Variants in SMURF2 observed in about 807,000 individuals in gnomAD.
SMURF2 encodes the protein SMAD specific E3 ubiquitin protein ligase 2.
Under a neutral mutation model 109.6 loss-of-function variants are expected in SMURF2, and 48 were observed. The observed-to-expected ratio is 0.44, with a 90% CI of 0.35 to 0.56. The LOEUF is 0.56. Among genes scored for constraint, SMURF2 ranks in the 20% least tolerant of loss-of-function variants. SMURF2 has a pLI of 0.01. For missense variants in SMURF2, 575 were observed against 909.0 expected (o/e 0.63, Z 4.72); for synonymous variants, 288 against 317.1 (o/e 0.91, Z 0.97).
chr17:64,601,494 T>C (rs181760928), intron 2 of SMURF2, among the ~76,000 whole-genome samples: 52 of 152,208 alleles, frequency 3.4e-4, no homozygotes, highest in Admixed American at 4.6e-4. Context: ...AGAACTATAA[T>C]GCGATGCCAC....
At chr17:64,561,994 T>C (rs1969226693) in intron 11 of SMURF2, among the ~76,000 whole-genome samples, 1 of 150,728 alleles carries the variant, frequency 6.6e-6, no homozygotes, top group Non-Finnish European at 1.5e-5. Flanking sequence ...AGCAAGACCT[T>C]GTCTCTTTTT....
chr17:64,589,361 G>A (rs1403698349), intron 5 of SMURF2, among the ~76,000 whole-genome samples: 6 of 150,740 alleles, frequency 4.0e-5, no homozygotes, highest in African/African-American at 1.5e-4. Flanking sequence ...ACTTACATGT[G>A]AAAGTGTTGT....
At chr17:64,586,611 C>T (rs1369253921) in intron 5 of SMURF2, among the ~76,000 whole-genome samples, 4 of 151,342 alleles carry the variant, frequency 2.6e-5, no homozygotes, top group South Asian at 4.2e-4. Flanking sequence ...ATTAGCCAGG[C>T]GTGGTGGTGG....
intron 3 of SMURF2, among the ~76,000 whole-genome samples, chr17:64,594,588 G>A (rs564095511): frequency 5.9e-5 from 9 of 152,112 alleles, no homozygotes; most frequent in East Asian, 1.9e-4. Flanking sequence ...ACCAATTTTC[G>A]AATACACCTA....
rs9913520 is a variant in SMURF2, at chr17:64,567,792, C to T, written c.1016+4006G>A. Reference sequence around the variant, plus strand: ...CCACCTCCCAGGTTCAAGCAATTCTCCTGCCTCAGCCTCCTGGGTCCCAAC... The same window carrying T: ...CCACCTCCCAGGTTCAAGCAATTCTTCTGCCTCAGCCTCCTGGGTCCCAAC... On this transcript the variant is annotated intron_variant, in intron 10 of 18. Coordinates refer to ENST00000262435, the MANE Select transcript of SMURF2 (RefSeq NM_022739.4). 8.1e-3 allele frequency among the ~76,000 whole-genome samples: 1,236 copies of T among 152,118 alleles called. 19 individuals are homozygous for T. Among genetic ancestry groups the T allele is most frequent in the African/African-American group, 0.028 (1,173 of 41,502 alleles).
chr17:64,583,277 T>A (rs891452123), intron 7 of SMURF2, among the ~76,000 whole-genome samples, 184 bp downstream of exon 7: 1 of 152,130 alleles, frequency 6.6e-6, no homozygotes, highest in Non-Finnish European at 1.5e-5. Context: ...AATGACAGCA[T>A]GACCTGTCAA....
At chr17:64,613,548 G>T (rs1555689743) in intron 1 of SMURF2, among the ~76,000 whole-genome samples, 2 of 142,610 alleles carry the variant, frequency 1.4e-5, no homozygotes, top group African/African-American at 4.9e-5. Flanking sequence ...TAACAGGAGA[G>T]AAATCTTGTT....
chr17:64,606,644 TA>T lies in SMURF2; in HGVS notation c.53-5del, dbSNP rs781876772. 0.028 allele frequency: 30,987 copies of T among 1,125,028 alleles called. 3 individuals are homozygous for T. Among genetic ancestry groups the T allele is most frequent in the South Asian group, 0.03 (1,799 of 59,010 alleles). The allele number at this position is 1,125,028 out of a possible 1,614,324, so 69.7% of individuals were successfully genotyped here. ...ACCAGGTTTTTTGCACAGAGTACTG[TA>T]AAAAAAAAAAACAAAAAATACATGG... On this transcript the variant is annotated splice_polypyrimidine_tract_variant and splice_region_variant and intron_variant, in intron 1 of 18. Transcript: ENST00000262435.
chr17:64,625,464 C>T (rs1970255098), intron 1 of SMURF2, among the ~76,000 whole-genome samples: 1 of 152,134 alleles, frequency 6.6e-6, no homozygotes, highest in South Asian at 2.1e-4. Flanking sequence ...AATTGCTATG[C>T]AGATAAGAAC....
intron 7 of SMURF2, 105 bp downstream of exon 7, chr17:64,583,355 CA>C: frequency 1.2e-6 from 1 of 854,990 alleles, no homozygotes; most frequent in Non-Finnish European, 1.9e-6. Flanking sequence ...TGATCTACGA[CA>C]GCAAAAACCA....
chr17:64,585,291 T>C (rs1302641463), intron 6 of SMURF2, among the ~76,000 whole-genome samples: 1 of 152,218 alleles, frequency 6.6e-6, no homozygotes, highest in Non-Finnish European at 1.5e-5. Flanking sequence ...CCATTTATTA[T>C]GTGGCCTTAG....
Position 64,599,261 on chromosome 17 carries a change from T to C in SMURF2, c.92-771A>G, listed in dbSNP as rs1969860281. On this transcript the variant is annotated intron_variant, in intron 2 of 18. Transcript: ENST00000262435. ...AATTAACTAGCCCAAGGTCACAGAG[T>C]AGTAAATGGCAGGGCCAGAATCTAA... Among the ~76,000 whole-genome samples the C allele has an allele frequency of 2.6e-5, 4 of 151,854 alleles. No homozygotes were observed. The South Asian group carries it at 8.3e-4, about 32-fold the overall frequency.
rs933502943 is a variant in SMURF2 at position 64,583,504 on chromosome 17, G to A, written c.526C>T (p.Leu176=). 6.2e-7 allele frequency: 1 copy of A among 1,614,082 alleles called. No individual in the cohort carries two copies. The change falls in exon 7 of 19, where the codon CTA becomes TTA. Residue 176 remains leucine (L), a synonymous_variant. Coordinates refer to ENST00000262435, the MANE Select transcript of SMURF2 (RefSeq NM_022739.4). ...TGCGTAGTTCTTGTTATATGGTTTA[G>A]ATACTGGATTCTTCCAGAGGCGGTT... The part of the protein sequence containing the change: ...RRTASGRIQY[L]NHITRTTQWE...
At chr17:64,574,874 C>T (rs1444438110) in intron 9 of SMURF2, among the ~76,000 whole-genome samples, 1 of 152,082 alleles carries the variant, frequency 6.6e-6, no homozygotes, top group Non-Finnish European at 1.5e-5. Context: ...AGCTTACATA[C>T]TATTCTTTCA....
At chr17:64,549,262 CAAAAAAAAAAAAAAAAA>C (rs577973821) in intron 16 of SMURF2, among the ~76,000 whole-genome samples, 2 of 41,572 alleles carry the variant, frequency 4.8e-5, no homozygotes, top group Non-Finnish European at 9.3e-5. Flanking sequence ...ACTGTGTCTC[CAAAAAAAAAAAAAAAAA>C]AAAAAAAAGC....
rs549427506 is a variant in SMURF2, at chr17:64,581,766, G to A, written c.570-775C>T. On this transcript the variant is annotated intron_variant, in intron 7 of 18. Transcript: ENST00000262435. The surrounding 1 kb of genome is among the most constrained non-coding windows in gnomAD (Gnocchi z 4.3). Reference sequence around the variant, plus strand: ...TTGAGACCAGCCTGGCCAACACAGCGAAACCCCATCTCTACTAAAAATACA... The same window carrying A: ...TTGAGACCAGCCTGGCCAACACAGCAAAACCCCATCTCTACTAAAAATACA... Among the ~76,000 whole-genome samples, 8 of 152,132 alleles carry A rather than the reference G, an allele frequency of 5.3e-5. No homozygotes were observed. The highest frequency in any genetic ancestry group is 2.0e-4 in the Admixed American group (3 of 15,286).
At chr17:64,635,861 A>G (rs1472197197) in intron 1 of SMURF2, among the ~76,000 whole-genome samples, 1 of 152,196 alleles carries the variant, frequency 6.6e-6, no homozygotes, top group East Asian at 1.9e-4. Context: ...TGAGTCATGT[A>G]GTAACTATGT....
intron 1 of SMURF2, among the ~76,000 whole-genome samples, chr17:64,639,140 G>T (rs1970460467): frequency 6.6e-6 from 1 of 152,168 alleles, no homozygotes; most frequent in Admixed American, 6.5e-5. Flanking sequence ...TGTGTGTTCA[G>T]TTTGTGAAAA....
At chr17:64,606,671 G>A (rs1555689088) in intron 1 of SMURF2, 31 bp from the exon 2 acceptor site, 1 of 1,449,188 alleles carries the variant, frequency 6.9e-7, no homozygotes, top group Non-Finnish European at 9.4e-7. Context: ...AAATACATGG[G>A]AAAAATTAAA....
Sources: allele counts gnomAD v4.1 joint callset (sites outside exome capture counted in the v4.1 genomes callset), GRCh38; gene constraint gnomAD v4.1.1; non-coding constraint Gnocchi (gnomAD v3.1); transcripts MANE v1.5; gene names NCBI Gene and HGNC (gene_info 2026-07-23, HGNC 2026-07-21).